Variants in FAR2 observed in about 807,000 individuals in gnomAD.
The protein encoded by FAR2 is epididymis secretory protein Li 81.
FAR2 carries 19 observed loss-of-function variants against 56.0 expected under a neutral mutation model. The observed-to-expected ratio is 0.34, with a 90% CI of 0.24 to 0.50. The LOEUF (loss-of-function observed/expected upper bound fraction) is 0.50, where lower values mean the gene tolerates loss of function less well. FAR2 is among the 20% of genes least tolerant of loss of function. The probability of loss-of-function intolerance (pLI) is 0.98; values close to 1 mark genes in which losing one functional copy is unlikely to be tolerated. For missense variants in FAR2, 508 were observed against 642.2 expected, an observed-to-expected ratio of 0.79 and a Z score of 2.26; for synonymous variants, 219 against 218.8, an observed-to-expected ratio of 1.00 and a Z score of -0.01.
chr12:29,203,114 C>T (rs568832918), intron 1 of FAR2, among the ~76,000 whole-genome samples: 1 of 152,226 alleles, frequency 6.6e-6, no homozygotes, highest in South Asian at 2.1e-4. Context: ...TTATAGTTTA[C>T]CTTAAAGATG....
intron 1 of FAR2, among the ~76,000 whole-genome samples, chr12:29,216,045 C>T (rs1226755189): frequency 6.6e-6 from 1 of 152,182 alleles, no homozygotes; most frequent in Non-Finnish European, 1.5e-5. Flanking sequence ...ACTTATATCC[C>T]TAACTGAATC....
chr12:29,162,070 C>G (rs956719153), intron 1 of FAR2, among the ~76,000 whole-genome samples: 2 of 152,104 alleles, frequency 1.3e-5, no homozygotes, highest in Non-Finnish European at 2.9e-5. Context: ...CCAATCTATG[C>G]CTGGCCTTTT....
chr12:29,321,630 G>A (rs924145303), intron 9 of FAR2, among the ~76,000 whole-genome samples, 165 bp from the exon 10 acceptor site: 2 of 152,088 alleles, frequency 1.3e-5, no homozygotes, highest in Non-Finnish European at 2.9e-5. Flanking sequence ...TCTGTTGAAT[G>A]AATAGAGAGT....
chr12:29,279,059 A>G (rs1948745803), intron 2 of FAR2, among the ~76,000 whole-genome samples: 2 of 152,248 alleles, frequency 1.3e-5, no homozygotes, highest in Non-Finnish European at 2.9e-5. Context: ...GGGAAATTCT[A>G]CTTTGCCTTT....
At chr12:29,259,217 C>G (rs780090496) in intron 1 of FAR2, among the ~76,000 whole-genome samples, 3 of 152,138 alleles carry the variant, frequency 2.0e-5, no homozygotes, top group Non-Finnish European at 4.4e-5. Context: ...GTCATCACGC[C>G]TGGCAGATAG....
intron 1 of FAR2, among the ~76,000 whole-genome samples, chr12:29,260,617 A>G (rs7138989): frequency 0.035 from 5,381 of 151,898 alleles, 312 homozygotes; most frequent in African/African-American, 0.12. Context: ...AGGACAGGGG[A>G]GTGAAGAGTA....
At chr12:29,166,646 T>G (rs1344415031) in intron 1 of FAR2, among the ~76,000 whole-genome samples, 1 of 152,244 alleles carries the variant, frequency 6.6e-6, no homozygotes, top group African/African-American at 2.4e-5. Context: ...TCTGATGCTT[T>G]GACCTCACAC....
intron 1 of FAR2, among the ~76,000 whole-genome samples, chr12:29,218,649 T>TA (rs1198116336): frequency 2.6e-5 from 4 of 151,994 alleles, no homozygotes; most frequent in Non-Finnish European, 4.4e-5. Context: ...ACTCACATGG[T>TA]AAAAAATCTT....
intron 2 of FAR2, among the ~76,000 whole-genome samples, chr12:29,274,115 C>T (rs1320218226): frequency 6.6e-6 from 1 of 151,704 alleles, no homozygotes; most frequent in African/African-American, 2.4e-5. Context: ...CATATGTATA[C>T]GTGTGCCATG....
chr12:29,251,535 A>T (rs919465236), intron 1 of FAR2, among the ~76,000 whole-genome samples: 3 of 152,190 alleles, frequency 2.0e-5, no homozygotes, highest in Non-Finnish European at 2.9e-5. Context: ...TCTGTCTCAC[A>T]GTAGACCCAG....
chr12:29,170,581 C>T (rs1949875369), intron 1 of FAR2, among the ~76,000 whole-genome samples: 1 of 152,036 alleles, frequency 6.6e-6, no homozygotes, highest in South Asian at 2.1e-4. Flanking sequence ...TTCTTTGTCT[C>T]TCTCTTTCTG....
intron 1 of FAR2, among the ~76,000 whole-genome samples, chr12:29,212,047 G>C (rs1396166227): frequency 6.6e-6 from 1 of 151,460 alleles, no homozygotes; most frequent in African/African-American, 2.4e-5. Context: ...GGATCAGCCT[G>C]GGTGACAGAG....
At chr12:29,165,188 G>A (rs774477453) in intron 1 of FAR2, among the ~76,000 whole-genome samples, 15 of 152,110 alleles carry the variant, frequency 9.9e-5, no homozygotes, top group Non-Finnish European at 1.8e-4. Flanking sequence ...CCTCTCCTAC[G>A]TTAGGCTGTG....
At chr12:29,307,880 G>T in intron 5 of FAR2, 45 bp downstream of exon 5, 7 of 1,561,078 alleles carry the variant, frequency 4.5e-6, no homozygotes, top group East Asian at 2.3e-5. Context: ...CCAAACTAAG[G>T]TTCTTCTAGT....
intron 4 of FAR2, among the ~76,000 whole-genome samples, chr12:29,303,301 G>A (rs548533595): frequency 1.3e-3 from 194 of 152,274 alleles, no homozygotes; most frequent in African/African-American, 4.3e-3. Flanking sequence ...GCAAGTTTGG[G>A]AAAGACTACC....
intron 4 of FAR2, among the ~76,000 whole-genome samples, chr12:29,297,761 A>G (rs1353292497): frequency 6.6e-6 from 1 of 152,196 alleles, no homozygotes; most frequent in East Asian, 1.9e-4. Flanking sequence ...AAAAAGAACT[A>G]GAGGCTGGGG....
intron 4 of FAR2, chr12:29,301,617 G>A (rs1949165502): frequency 6.6e-6 from 1 of 152,108 alleles, no homozygotes; most frequent in African/African-American, 2.4e-5. Context: ...ACTGGAAGCA[G>A]GTACTAGAAA....
intron 1 of FAR2, among the ~76,000 whole-genome samples, chr12:29,234,961 C>A (rs536341221): frequency 6.6e-6 from 1 of 152,212 alleles, no homozygotes; most frequent in South Asian, 2.1e-4. Flanking sequence ...ATTACAATAT[C>A]TTGGAGAGTG....
At chr12:29,298,239 A>ATAAG (rs766352892) in intron 4 of FAR2, among the ~76,000 whole-genome samples, 5 of 151,750 alleles carry the variant, frequency 3.3e-5, no homozygotes, top group African/African-American at 4.8e-5. Flanking sequence ...AGGTCTTAGA[A>ATAAG]TAAGTTTGTT....
Sources: allele counts gnomAD v4.1 joint callset (sites outside exome capture counted in the v4.1 genomes callset), GRCh38; gene constraint gnomAD v4.1.1; transcripts MANE v1.5; gene names NCBI Gene and HGNC (gene_info 2026-07-23, HGNC 2026-07-21).